LYPD6B: variants seen among roughly 807,000 people sequenced by gnomAD.
LYPD6B encodes LY6/PLAUR domain containing 6B.
In LYPD6B, 17 loss-of-function variants were observed where a neutral mutation model predicts 22.8. The ratio of observed to expected loss-of-function variants is 0.75; its 90% CI spans 0.51 to 1.12. The LOEUF (loss-of-function observed/expected upper bound fraction) is 1.12, where lower values mean the gene tolerates loss of function less well. Among genes scored for constraint, LYPD6B ranks in the 50% most tolerant of loss-of-function variants. The pLI, the probability that LYPD6B is intolerant of heterozygous loss-of-function variation, is 0.00. For missense variants in LYPD6B, 221 were observed against 258.3 expected, an observed-to-expected ratio of 0.86 and a Z score of 0.99; for synonymous variants, 106 against 91.6, an observed-to-expected ratio of 1.16 and a Z score of -0.90.
At chr2:149,194,820 A>G (rs1253841565) in intron 3 of LYPD6B, among the ~76,000 whole-genome samples, 2 of 152,182 alleles carry the variant, frequency 1.3e-5, no homozygotes, top group Non-Finnish European at 2.9e-5. Flanking sequence ...TTTCTGGAGA[A>G]GCAAAGAGGG....
At chr2:149,172,982 A>G (rs1271247841) in intron 3 of LYPD6B, among the ~76,000 whole-genome samples, 2 of 22,736 alleles carry the variant, frequency 8.8e-5, no homozygotes, top group Non-Finnish European at 4.6e-4. Context: ...TAATAAGCAT[A>G]TATATATATA....
intron 1 of LYPD6B, among the ~76,000 whole-genome samples, chr2:149,087,140 C>A (rs1685440750): frequency 1.3e-5 from 2 of 152,030 alleles, no homozygotes; most frequent in Non-Finnish European, 2.9e-5. Context: ...ATATCCTATT[C>A]TTTGTTTCAA....
At chr2:149,117,950 A>T (rs997448353) in intron 1 of LYPD6B, among the ~76,000 whole-genome samples, 1 of 152,070 alleles carries the variant, frequency 6.6e-6, no homozygotes, top group Non-Finnish European at 1.5e-5. Context: ...TGGTCATCTG[A>T]AGGCTGGAGG....
chr2:149,057,339 A>G (rs1445608081), intron 1 of LYPD6B, among the ~76,000 whole-genome samples: 2 of 152,026 alleles, frequency 1.3e-5, no homozygotes, highest in Admixed American at 1.3e-4. Context: ...AGTTTAATTA[A>G]CTTTTAAATA....
At chr2:149,179,347 G>A (rs1559057292) in intron 3 of LYPD6B, among the ~76,000 whole-genome samples, 1 of 152,214 alleles carries the variant, frequency 6.6e-6, no homozygotes. Context: ...ACTCTTAGTA[G>A]CTATCTGGCA....
Position 149,178,763 on chromosome 2 carries a change from A to G in LYPD6B, c.77+17928A>G, listed in dbSNP as rs78564141. On this transcript the variant is annotated intron_variant, in intron 3 of 6. Transcript: ENST00000409642. ...TATATATTCTTCTCTTTCTCAACAA[A>G]TGATGCATCCCTGTACTTACTCTAG... Among the ~76,000 whole-genome samples the G allele has an allele frequency of 2.8e-3, 433 of 152,276 alleles. 3 individuals carry two copies. Among genetic ancestry groups the G allele is most frequent in the African/African-American group, 0.01 (417 of 41,546 alleles).
intron 1 of LYPD6B, among the ~76,000 whole-genome samples, chr2:149,081,156 G>T (rs1685116690): frequency 6.6e-6 from 1 of 152,126 alleles, no homozygotes; most frequent in South Asian, 2.1e-4. Context: ...TGAGATCTCA[G>T]ATAGAAGACA....
chr2:149,128,381 G>A (rs1344511679), intron 1 of LYPD6B, among the ~76,000 whole-genome samples: 2 of 152,216 alleles, frequency 1.3e-5, no homozygotes, highest in African/African-American at 4.8e-5. Flanking sequence ...TCAAATTATA[G>A]ATCCAAATCA....
At chr2:149,075,605 A>AAGT (rs1244517545) in intron 1 of LYPD6B, among the ~76,000 whole-genome samples, 1 of 152,208 alleles carries the variant, frequency 6.6e-6, no homozygotes, top group Non-Finnish European at 1.5e-5. Context: ...TATTTTTTGT[A>AAGT]AGTGAAGGAA....
intron 3 of LYPD6B, among the ~76,000 whole-genome samples, chr2:149,201,252 T>G (rs1575170506): frequency 1.3e-5 from 2 of 152,132 alleles, no homozygotes; most frequent in Non-Finnish European, 2.9e-5. Flanking sequence ...ATTTTGCAAA[T>G]AACCTGAAGA....
chr2:149,152,439 C>T (rs984395638), intron 2 of LYPD6B, among the ~76,000 whole-genome samples: 1 of 152,230 alleles, frequency 6.6e-6, no homozygotes, highest in African/African-American at 2.4e-5. Flanking sequence ...GAGTGTCAAG[C>T]GCTGCAGGCT....
At chr2:149,086,702 A>G (rs1051380387) in intron 1 of LYPD6B, among the ~76,000 whole-genome samples, 2 of 152,194 alleles carry the variant, frequency 1.3e-5, no homozygotes, top group Admixed American at 6.5e-5. Flanking sequence ...CCAGTGCCCT[A>G]AACAATAAAA....
At chr2:149,191,686 CA>C (rs1487566767) in intron 3 of LYPD6B, among the ~76,000 whole-genome samples, 19 of 152,272 alleles carry the variant, frequency 1.2e-4, no homozygotes, top group African/African-American at 4.1e-4. Context: ...TTATAATTTA[CA>C]ATGCAGCCTT....
chr2:149,053,621 A>G (rs1683662775), intron 1 of LYPD6B, among the ~76,000 whole-genome samples: 1 of 152,214 alleles, frequency 6.6e-6, no homozygotes, highest in African/African-American at 2.4e-5. Context: ...TTTAAAGTAT[A>G]CGATTCAGTG....
intron 2 of LYPD6B, among the ~76,000 whole-genome samples, chr2:149,132,237 A>C (rs1688075256): frequency 6.6e-6 from 1 of 150,456 alleles, no homozygotes; most frequent in South Asian, 2.1e-4. Context: ...GGGCCATGCC[A>C]GATTCCCTGT....
intron 1 of LYPD6B, among the ~76,000 whole-genome samples, chr2:149,125,939 TA>T (rs1379153514): frequency 6.6e-6 from 1 of 152,168 alleles, no homozygotes; most frequent in African/African-American, 2.4e-5. Context: ...TTCTCATTCT[TA>T]AAAAATTTCC....
intron 1 of LYPD6B, among the ~76,000 whole-genome samples, chr2:149,112,461 G>T (rs115991060): frequency 1.4e-3 from 217 of 152,192 alleles, no homozygotes; most frequent in African/African-American, 5.0e-3. Flanking sequence ...GCTATGCAGA[G>T]AAAAGACAGG....
rs370366115 is a variant in LYPD6B at position 149,151,194 on chromosome 2, C to T, written c.6-9570C>T. The stretch of plus-strand genomic sequence containing the variant: ...TGAATGGGTGGGGCTCTCCTGTAGG[C>T]GCTGGGTGGTGGGTATATATGGTGT... On this transcript the variant is annotated intron_variant, in intron 2 of 6. Transcript: ENST00000409642. Among the ~76,000 whole-genome samples, 11 of 152,118 alleles carry T rather than the reference C, an allele frequency of 7.2e-5. No individual in the cohort carries two copies. In the South Asian group the frequency reaches 2.1e-3, roughly 29 times the overall value.
intron 3 of LYPD6B, among the ~76,000 whole-genome samples, chr2:149,192,379 A>G (rs1169004823): frequency 6.7e-6 from 1 of 148,358 alleles, no homozygotes; most frequent in Non-Finnish European, 1.5e-5. Context: ...ATACCAACTT[A>G]TTGTAGGAAA....
Sources: allele counts gnomAD v4.1 joint callset (sites outside exome capture counted in the v4.1 genomes callset), GRCh38; gene constraint gnomAD v4.1.1; transcripts MANE v1.5; gene names NCBI Gene and HGNC (gene_info 2026-07-23, HGNC 2026-07-21).